Variants in ZNF678 observed in about 807,000 individuals in gnomAD.
ZNF678 encodes zinc finger protein 678, also known as hypothetical protein MGC42493.
ZNF678 carries 5 observed loss-of-function variants against 3.0 expected under a neutral mutation model. The ratio of observed to expected loss-of-function variants is 1.69; its 90% confidence interval spans 0.88 to 3.56. ZNF678 has a LOEUF of 3.56. Ranked by LOEUF, ZNF678 falls within the 30% of genes most tolerant of loss-of-function variation. ZNF678 has a pLI of 0.00. For synonymous variants in ZNF678, 218 were observed against 199.6 expected, an observed-to-expected ratio of 1.09 and a Z score of -0.78; for missense variants, 593 against 605.0, an observed-to-expected ratio of 0.98 and a Z score of 0.21.
chr1:227,571,959 G>T (rs867910157), intron 1 of ZNF678, among the ~76,000 whole-genome samples: 1 of 152,308 alleles, frequency 6.6e-6, no homozygotes, highest in East Asian at 1.9e-4. Context: ...GGAGAATGGC[G>T]TGAACCTGGG....
chr1:227,632,044 T>C (rs1658559226), intron 1 of ZNF678, among the ~76,000 whole-genome samples: 1 of 152,074 alleles, frequency 6.6e-6, no homozygotes, highest in African/African-American at 2.4e-5. Context: ...GGGTAGAAAT[T>C]GGGGGAGTAG....
chr1:227,677,452 C>G (rs1308415209), downstream of ZNF678: 3 of 152,244 alleles, frequency 2.0e-5, no homozygotes, highest in Non-Finnish European at 4.4e-5. Context: ...CCTGAGGAAC[C>G]CTTAAAGTTA....
At chr1:227,617,266 A>G (rs1658164320) in intron 1 of ZNF678, among the ~76,000 whole-genome samples, 1 of 152,196 alleles carries the variant, frequency 6.6e-6, no homozygotes, top group East Asian at 1.9e-4. Context: ...TTGGGCATGC[A>G]TAGCAGCACT....
chr1:227,674,383 C>T (rs1174454146), intron 5 of ZNF678, among the ~76,000 whole-genome samples: 3 of 151,908 alleles, frequency 2.0e-5, no homozygotes, highest in African/African-American at 4.8e-5. Context: ...GTGCATAAAT[C>T]CACAAGGATA....
At position 227,662,395 on chromosome 1, in the gene ZNF678, AT is replaced by A. The variant is rs942104988; in HGVS notation, c.*6574del. ...AAGAAAAGAGCCTTGGAGAAGTTTTATTTTTTTCTGTTTGGAAAGAATACAC... is the reference window on the plus strand; with the variant it reads ...AAGAAAAGAGCCTTGGAGAAGTTTTATTTTTTCTGTTTGGAAAGAATACAC... On this transcript the variant is annotated 3_prime_UTR_variant, in exon 4 of 4. Transcript: ENST00000343776. The A allele has an allele frequency of 1.3e-5, 2 of 151,978 alleles. No homozygotes were observed. The highest frequency in any genetic ancestry group is 1.9e-4 in the East Asian group (1 of 5,154). 9.4% of individuals were successfully genotyped at this position (151,978 alleles called of 1,614,324 possible).
intron 2 of ZNF678, 123 bp from the exon 3 acceptor site, chr1:227,650,833 G>T (rs575310585): frequency 2.2e-5 from 15 of 683,342 alleles, no homozygotes; most frequent in Non-Finnish European, 3.2e-5. Context: ...TGAGATTTTT[G>T]ATTTATTTGT....
chr1:227,637,272 A>G (rs1343967440), intron 1 of ZNF678, among the ~76,000 whole-genome samples: 1 of 152,226 alleles, frequency 6.6e-6, no homozygotes, highest in Non-Finnish European at 1.5e-5. Flanking sequence ...TGGTTAGCAC[A>G]GTGCTTTGGG....
chr1:227,633,896 T>C (rs1360799950), intron 1 of ZNF678, among the ~76,000 whole-genome samples: 1 of 152,148 alleles, frequency 6.6e-6, no homozygotes, highest in Non-Finnish European at 1.5e-5. Flanking sequence ...CTAGGGCAGC[T>C]AAGGGAATGC....
chr1:227,596,046 G>T (rs564673437), intron 1 of ZNF678, among the ~76,000 whole-genome samples: 1 of 152,106 alleles, frequency 6.6e-6, no homozygotes, highest in Non-Finnish European at 1.5e-5. Context: ...TTCCTTCCCG[G>T]TGTTTAGCCA....
intron 1 of ZNF678, among the ~76,000 whole-genome samples, chr1:227,599,677 A>G (rs1473934147): frequency 1.3e-5 from 2 of 152,194 alleles, no homozygotes; most frequent in Non-Finnish European, 2.9e-5. Flanking sequence ...CGGCTACCAT[A>G]TAATATCTGA....
chr1:227,629,670 C>T (rs1026065336), intron 1 of ZNF678, among the ~76,000 whole-genome samples: 40 of 152,220 alleles, frequency 2.6e-4, no homozygotes, highest in African/African-American at 8.0e-4. Flanking sequence ...GCGCTTGCCC[C>T]GGGAACCCTC....
chr1:227,672,944 G>T (rs1659624995), intron 5 of ZNF678, among the ~76,000 whole-genome samples: 1 of 152,144 alleles, frequency 6.6e-6, no homozygotes, highest in Non-Finnish European at 1.5e-5. Flanking sequence ...CATCAGCCTA[G>T]GTGACACCTT....
chr1:227,566,442 G>A (rs1399457750), intron 1 of ZNF678, among the ~76,000 whole-genome samples: 3 of 152,216 alleles, frequency 2.0e-5, no homozygotes, highest in Admixed American at 2.0e-4. Flanking sequence ...CAGTGAGCTG[G>A]TGCGAGAACA....
chr1:227,665,718 G>T (rs1659494405), downstream of ZNF678, among the ~76,000 whole-genome samples: 1 of 152,232 alleles, frequency 6.6e-6, no homozygotes, highest in Non-Finnish European at 1.5e-5. Context: ...TTTTGTGTAT[G>T]TAAAGCTATT....
intron 1 of ZNF678, among the ~76,000 whole-genome samples, chr1:227,570,143 G>GGGTTCTGCTATAT (rs1315332712): frequency 6.6e-6 from 1 of 152,236 alleles, no homozygotes; most frequent in Non-Finnish European, 1.5e-5. Context: ...CACTAGGGCA[G>GGGTTCTGCTATAT]GGTTCTGCTA....
intron 1 of ZNF678, among the ~76,000 whole-genome samples, chr1:227,630,580 G>C (rs1297207950): frequency 6.6e-6 from 1 of 152,116 alleles, no homozygotes; most frequent in Non-Finnish European, 1.5e-5. Context: ...TAGCCATCAG[G>C]GTTATCTGAG....
At chr1:227,592,122 T>C (rs185043677) in intron 1 of ZNF678, among the ~76,000 whole-genome samples, 2 of 152,336 alleles carry the variant, frequency 1.3e-5, no homozygotes, top group East Asian at 1.9e-4. Flanking sequence ...TACATAGTTA[T>C]GTTCAACTGG....
At chr1:227,643,756 A>T (rs1324172548) in intron 1 of ZNF678, among the ~76,000 whole-genome samples, 1 of 152,100 alleles carries the variant, frequency 6.6e-6, no homozygotes, top group Non-Finnish European at 1.5e-5. Context: ...AGTAAATATA[A>T]ATATATAACA....
intron 5 of ZNF678, among the ~76,000 whole-genome samples, chr1:227,668,870 T>C (rs557931112): frequency 6.7e-6 from 1 of 149,076 alleles, no homozygotes; most frequent in South Asian, 2.1e-4. Context: ...CAGATGGTTG[T>C]AGGTGTATGG....
Sources: allele counts gnomAD v4.1 joint callset (sites outside exome capture counted in the v4.1 genomes callset), GRCh38; gene constraint gnomAD v4.1.1; transcripts MANE v1.5; gene names NCBI Gene and HGNC (gene_info 2026-07-23, HGNC 2026-07-21).